Variants in DDX10 observed in about 807,000 individuals in gnomAD.
DDX10 encodes the protein probable ATP-dependent RNA helicase DDX10.
Under a neutral mutation model 104.3 loss-of-function variants are expected in DDX10, and 74 were observed. The ratio of observed to expected loss-of-function variants is 0.71; its 90% CI spans 0.59 to 0.86. The LOEUF (loss-of-function observed/expected upper bound fraction) is 0.86. Ranked by LOEUF, DDX10 falls within the 40% of genes least tolerant of loss-of-function variation. DDX10 has a pLI of 0.00. For missense variants in DDX10, 952 were observed against 1,040.0 expected, an observed-to-expected ratio of 0.92 and a Z score of 1.16; for synonymous variants, 351 against 353.4, an observed-to-expected ratio of 0.99 and a Z score of 0.08.
intron 16 of DDX10, among the ~76,000 whole-genome samples, chr11:108,875,076 T>A (rs1490958650): frequency 2.0e-5 from 3 of 152,138 alleles, no homozygotes; most frequent in Admixed American, 2.0e-4. Context: ...AATGGGATTA[T>A]GGAGCCAGGA....
At chr11:108,862,674 G>A (rs1324699658) in intron 16 of DDX10, among the ~76,000 whole-genome samples, 1 of 152,124 alleles carries the variant, frequency 6.6e-6, no homozygotes, top group East Asian at 1.9e-4. Flanking sequence ...TTTAAATAAG[G>A]AGGAGCGTAG....
At chr11:108,927,959 T>A (rs1374747328) in intron 17 of DDX10, among the ~76,000 whole-genome samples, 1 of 152,116 alleles carries the variant, frequency 6.6e-6, no homozygotes, top group African/African-American at 2.4e-5. Context: ...GAAGTTTGGT[T>A]TAGTGGTTCT....
intron 13 of DDX10, among the ~76,000 whole-genome samples, chr11:108,744,943 C>T (rs2094329510): frequency 6.6e-6 from 1 of 151,962 alleles, no homozygotes; most frequent in Non-Finnish European, 1.5e-5. Context: ...TATAAGAGCA[C>T]AGAGTGTGTT....
intron 13 of DDX10, among the ~76,000 whole-genome samples, chr11:108,813,621 A>G (rs1276137887): frequency 5.9e-5 from 9 of 152,158 alleles, no homozygotes; most frequent in Non-Finnish European, 1.3e-4. Flanking sequence ...TCTAAATTTC[A>G]TGTTAAAGTT....
intron 17 of DDX10, among the ~76,000 whole-genome samples, chr11:108,935,131 C>G (rs1326267877): frequency 6.6e-6 from 1 of 152,028 alleles, no homozygotes; most frequent in Non-Finnish European, 1.5e-5. Context: ...AAAAAGCTAA[C>G]CATTTGGTAG....
At chr11:108,841,733 T>G (rs532130669) in intron 15 of DDX10, among the ~76,000 whole-genome samples, 19 of 152,310 alleles carry the variant, frequency 1.2e-4, no homozygotes, top group African/African-American at 4.3e-4. Context: ...GATTTGTTGT[T>G]ATTATTACAG....
intron 13 of DDX10, among the ~76,000 whole-genome samples, chr11:108,800,313 C>T (rs1327956959): frequency 2.0e-5 from 3 of 148,792 alleles, no homozygotes; most frequent in African/African-American, 2.5e-5. Flanking sequence ...GGCATGGTGG[C>T]GGGTGCCTGT....
chr11:108,756,568 C>T (rs1046523384), intron 13 of DDX10, among the ~76,000 whole-genome samples: 1 of 152,162 alleles, frequency 6.6e-6, no homozygotes, highest in Admixed American at 6.6e-5. Context: ...TTTACCTGAT[C>T]TTTGGTTTAT....
At chr11:108,703,199 A>G (rs1003270587) in intron 9 of DDX10, among the ~76,000 whole-genome samples, 3 of 152,258 alleles carry the variant, frequency 2.0e-5, no homozygotes, top group Admixed American at 1.3e-4. Flanking sequence ...AGACTTAACT[A>G]TTCCACAATG....
chr11:108,874,708 G>T (rs1026282980), intron 16 of DDX10, among the ~76,000 whole-genome samples: 1 of 152,020 alleles, frequency 6.6e-6, no homozygotes, highest in African/African-American at 2.4e-5. Flanking sequence ...GAGAATAGTT[G>T]TATCTCTTTA....
Position 108,910,399 on chromosome 11 carries a change from G to A in DDX10, c.2305-7474G>A, listed in dbSNP as rs74699065. Among the ~76,000 whole-genome samples, 1,461 of 152,326 alleles carry A rather than the reference G, an allele frequency of 9.6e-3. 18 individuals carry two copies. Among genetic ancestry groups the A allele is most frequent in the African/African-American group, 0.033 (1,367 of 41,558 alleles). ...CTACTTCATAGGCTTTGAAGATCAA[G>A]TAAGATAATCTATGTTAAAGCACTT... On this transcript the variant is annotated intron_variant, in intron 16 of 17. Transcript: ENST00000322536.
At chr11:108,786,203 T>C (rs1375608099) in intron 13 of DDX10, among the ~76,000 whole-genome samples, 1 of 152,176 alleles carries the variant, frequency 6.6e-6, no homozygotes, top group Non-Finnish European at 1.5e-5. Context: ...TGCACCGTGG[T>C]CTGAGAGTGT....
At chr11:108,832,371 T>G (rs1429061824) in intron 13 of DDX10, among the ~76,000 whole-genome samples, 1 of 152,124 alleles carries the variant, frequency 6.6e-6, no homozygotes, top group Non-Finnish European at 1.5e-5. Flanking sequence ...AACCAAATCA[T>G]AGCGAAATAA....
intron 10 of DDX10, among the ~76,000 whole-genome samples, chr11:108,715,069 T>C (rs1277254001): frequency 7.5e-6 from 1 of 133,530 alleles, no homozygotes. Context: ...ATTTTTTTTT[T>C]CTTTCCCTGT....
At chr11:108,921,751 A>T (rs546214556) in intron 17 of DDX10, 2 of 152,216 alleles carry the variant, frequency 1.3e-5, no homozygotes, top group African/African-American at 4.8e-5. Flanking sequence ...CGAGGTCACG[A>T]GATCGAGACC....
At chr11:108,838,694 A>G (rs946264969) in intron 14 of DDX10, 129 bp downstream of exon 14, 5 of 1,052,328 alleles carry the variant, frequency 4.8e-6, no homozygotes, top group Non-Finnish European at 5.3e-6. Context: ...CATTCCTTTC[A>G]CTGTTACTGT....
chr11:108,767,654 A>G (rs530073931), intron 13 of DDX10, among the ~76,000 whole-genome samples: 2 of 152,304 alleles, frequency 1.3e-5, no homozygotes, highest in East Asian at 3.9e-4. Flanking sequence ...GCTGTTATGA[A>G]TACCCTTTAC....
chr11:108,850,404 A>G (rs1862775330), intron 15 of DDX10, among the ~76,000 whole-genome samples: 2 of 152,174 alleles, frequency 1.3e-5, no homozygotes, highest in Non-Finnish European at 2.9e-5. Flanking sequence ...TGTTTGCTTT[A>G]GTAGAAAGGA....
At position 108,810,794 on chromosome 11, in the gene DDX10, C is replaced by A. The variant is rs995863543; in HGVS notation, c.1966-27652C>A. On this transcript the variant is annotated intron_variant, in intron 13 of 17. Transcript: ENST00000322536. ...AAAAAAACCCAGAAAACTCGTTGAA[C>A]ATAATGTTATAACCTTAGAGAGAGT... 1.3e-5 allele frequency among the ~76,000 whole-genome samples: 2 copies of A among 152,280 alleles called. 1 individual carries two copies. Among genetic ancestry groups the A allele is most frequent in the Middle Eastern group, 6.8e-3 (2 of 294 alleles).
Sources: allele counts gnomAD v4.1 joint callset (sites outside exome capture counted in the v4.1 genomes callset), GRCh38; gene constraint gnomAD v4.1.1; transcripts MANE v1.5; gene names NCBI Gene and HGNC (gene_info 2026-07-23, HGNC 2026-07-21).